DIP2C: variants seen among roughly 807,000 people sequenced by gnomAD.
The protein encoded by DIP2C is disco-interacting protein 2 homolog C.
In DIP2C, 33 loss-of-function variants were observed where a neutral mutation model predicts 192.4. The ratio of observed to expected loss-of-function variants is 0.17; its 90% confidence interval spans 0.13 to 0.23. The LOEUF (loss-of-function observed/expected upper bound fraction) is 0.23, where lower values mean the gene tolerates loss of function less well. DIP2C is among the 10% of genes least tolerant of loss of function. DIP2C has a pLI of 1.00. For missense variants in DIP2C, 1,537 were observed against 2,110.1 expected (o/e 0.73, Z 5.32); for synonymous variants, 979 against 864.1 (o/e 1.13, Z -2.33).
At chr10:432,553 T>C (rs1211888777) in intron 4 of DIP2C, among the ~76,000 whole-genome samples, 1 of 152,202 alleles carries the variant, frequency 6.6e-6, no homozygotes, top group African/African-American at 2.4e-5. Context: ...ATATTGGTAA[T>C]TTATCTGCTG....
intron 1 of DIP2C, among the ~76,000 whole-genome samples, chr10:560,928 T>G (rs993096002): frequency 6.6e-6 from 1 of 152,160 alleles, no homozygotes. Flanking sequence ...GAGGCATCCC[T>G]CCACATGACA....
intron 31 of DIP2C, chr10:311,658 C>T: frequency 1.8e-6 from 2 of 1,098,444 alleles, no homozygotes; most frequent in Non-Finnish European, 2.3e-6. Flanking sequence ...ACATACGACC[C>T]GACAGTGAAA....
chr10:356,821 G>C (rs1959104536), intron 23 of DIP2C, among the ~76,000 whole-genome samples: 1 of 152,158 alleles, frequency 6.6e-6, no homozygotes, highest in Non-Finnish European at 1.5e-5. Flanking sequence ...CCCAAGGATG[G>C]GAACCATTTC....
chr10:591,382 C>G (rs1320971670), intron 1 of DIP2C, among the ~76,000 whole-genome samples: 1 of 152,192 alleles, frequency 6.6e-6, no homozygotes, highest in East Asian at 1.9e-4. Flanking sequence ...GCCTCGGCCT[C>G]TCAAAGTGCC....
At chr10:625,712 T>G (rs1854156349) in intron 1 of DIP2C, among the ~76,000 whole-genome samples, 1 of 152,184 alleles carries the variant, frequency 6.6e-6, no homozygotes, top group Admixed American at 6.5e-5. Context: ...TTCCAGTAAA[T>G]GCAAAGGCCG....
In DIP2C at chr10:575,600, T is replaced by G. The variant is rs1243548334; in HGVS notation, c.86-89070A>C. Among the ~76,000 whole-genome samples the G allele has an allele frequency of 1.5e-4, 23 of 152,268 alleles. 1 individual carries two copies. ...ATCCTTGCAAAAACATAGCTCAGCA[T>G]CATCAAAACCCAGAAAAGAACACAA... On this transcript the variant is annotated intron_variant, in intron 1 of 36. Coordinates refer to ENST00000280886, the MANE Select transcript of DIP2C (RefSeq NM_014974.3).
chr10:325,840 T>C (rs1477323459), intron 31 of DIP2C, among the ~76,000 whole-genome samples: 1 of 151,938 alleles, frequency 6.6e-6, no homozygotes, highest in Non-Finnish European at 1.5e-5. Flanking sequence ...GCTATTATAA[T>C]AATTAAAAGA....
chr10:368,280 C>T lies in DIP2C; in HGVS notation c.2131+1214G>A, dbSNP rs1240915291. On this transcript the variant is annotated intron_variant, in intron 18 of 36. Transcript: ENST00000280886. ...GCCTCTGACAGGGGCCTGGGAAGCC[C>T]GCGGTTGTTCTCACAGTCACAAAGG... Among the ~76,000 whole-genome samples the T allele has an allele frequency of 2.0e-5, 3 of 152,370 alleles. 1 individual carries two copies. Among genetic ancestry groups the T allele is most frequent in the Admixed American group, 2.0e-4 (3 of 15,304 alleles).
chr10:527,231 C>G (rs528501525), intron 1 of DIP2C, among the ~76,000 whole-genome samples: 2 of 152,330 alleles, frequency 1.3e-5, no homozygotes, highest in African/African-American at 4.8e-5. Flanking sequence ...ATCTCTGCAT[C>G]TAGCTCCTCT....
intron 29 of DIP2C, among the ~76,000 whole-genome samples, chr10:337,284 T>G (rs1241237063): frequency 3.2e-4 from 2 of 6,192 alleles, no homozygotes; most frequent in Non-Finnish European, 5.4e-4. Flanking sequence ...GTGTGTGTTC[T>G]GTGGAGGCCT....
chr10:380,263 G>A (rs1290070615), intron 17 of DIP2C, among the ~76,000 whole-genome samples: 2 of 150,334 alleles, frequency 1.3e-5, no homozygotes, highest in African/African-American at 2.5e-5. Context: ...TGGTTAACGT[G>A]CAGAAGAGGC....
At chr10:524,656 G>A (rs145617945) in intron 1 of DIP2C, among the ~76,000 whole-genome samples, 9 of 152,150 alleles carry the variant, frequency 5.9e-5, no homozygotes, top group East Asian at 3.9e-4. Context: ...AAGTATTAGC[G>A]TTTTATTTTA....
At chr10:624,524 C>T (rs1854075839) in intron 1 of DIP2C, among the ~76,000 whole-genome samples, 1 of 152,178 alleles carries the variant, frequency 6.6e-6, no homozygotes, top group Non-Finnish European at 1.5e-5. Flanking sequence ...CTAGGGTGTA[C>T]GAACACAAAG....
intron 3 of DIP2C, among the ~76,000 whole-genome samples, chr10:455,415 CA>C: frequency 9.5e-6 from 1 of 105,472 alleles, no homozygotes; most frequent in African/African-American, 3.6e-5. Context: ...AAACACTCTG[CA>C]GTGAGTCCCT....
intron 3 of DIP2C, among the ~76,000 whole-genome samples, chr10:458,544 C>T (rs989741084): frequency 7.9e-5 from 12 of 151,366 alleles, no homozygotes; most frequent in East Asian, 5.8e-4. Flanking sequence ...CCTGCGTCAC[C>T]GGCAGCGTGT....
rs770047865 is a variant in DIP2C, at chr10:357,930, G to T, written c.2802C>A (p.Gly934=). Residue 934 remains glycine, a synonymous_variant, in exon 23 of 37, where the codon GGC becomes GGA. Coordinates refer to ENST00000280886, the MANE Select transcript of DIP2C (RefSeq NM_014974.3). ...GGTTCCCCACCATCACAGAGGCAGG[G>T]CCGATTTCTAGAAAGAAACAGAGAC... ...PKPRQKQPEI[G]PASVMVGNLV... 2 of 1,611,862 alleles carry T rather than the reference G, an allele frequency of 1.2e-6. No homozygotes were observed. The highest frequency in any genetic ancestry group is 1.7e-6 in the Non-Finnish European group (2 of 1,179,260).
intron 1 of DIP2C, among the ~76,000 whole-genome samples, chr10:564,723 C>T (rs1305601730): frequency 2.0e-5 from 3 of 152,168 alleles, no homozygotes; most frequent in African/African-American, 7.2e-5. Context: ...AGCATAGCGT[C>T]CAGCAGACAC....
intron 1 of DIP2C, among the ~76,000 whole-genome samples, chr10:605,613 A>G (rs368915252): frequency 6.6e-6 from 1 of 152,128 alleles, no homozygotes; most frequent in Non-Finnish European, 1.5e-5. Context: ...CAGGGCCCCA[A>G]TATGAAGCAG....
chr10:388,828 AG>A (rs1963203327), intron 13 of DIP2C, among the ~76,000 whole-genome samples: 1 of 152,230 alleles, frequency 6.6e-6, no homozygotes, highest in Non-Finnish European at 1.5e-5. Flanking sequence ...GACGCCAGGC[AG>A]GGGTGCACGC....
Sources: allele counts gnomAD v4.1 joint callset (sites outside exome capture counted in the v4.1 genomes callset), GRCh38; gene constraint gnomAD v4.1.1; transcripts MANE v1.5; gene names NCBI Gene and HGNC (gene_info 2026-07-23, HGNC 2026-07-21).